Variants in LTBP1 observed in about 807,000 individuals in gnomAD.
LTBP1 encodes latent-transforming growth factor beta-binding protein 1.
Under a neutral mutation model 207.6 loss-of-function variants are expected in LTBP1, and 129 were observed. The observed-to-expected ratio is 0.62, with a 90% CI of 0.54 to 0.72. The LOEUF (loss-of-function observed/expected upper bound fraction) is 0.72, where lower values mean the gene tolerates loss of function less well. Ranked by LOEUF, LTBP1 falls within the 30% of genes least tolerant of loss-of-function variation. The pLI is 0.00. For missense variants in LTBP1, 2,281 were observed against 2,217.2 expected (o/e 1.03, Z -0.58); for synonymous variants, 963 against 833.7 (o/e 1.16, Z -2.67).
chr2:32,996,683 C>T (rs1685331151), intron 2 of LTBP1, among the ~76,000 whole-genome samples: 1 of 152,090 alleles, frequency 6.6e-6, no homozygotes, highest in South Asian at 2.1e-4. Context: ...GGAACTTGCA[C>T]AACAAACCCA....
intron 9 of LTBP1, among the ~76,000 whole-genome samples, chr2:33,237,561 A>C (rs191472152): frequency 6.6e-6 from 1 of 152,254 alleles, no homozygotes; most frequent in South Asian, 2.1e-4. Context: ...GTATGTGTGC[A>C]TTAAATAATT....
intron 4 of LTBP1, among the ~76,000 whole-genome samples, chr2:33,120,396 T>C (rs1036772125): frequency 1.3e-5 from 2 of 152,186 alleles, no homozygotes; most frequent in Admixed American, 6.5e-5. Context: ...TGTTCATAAG[T>C]TCTTATCATT....
intron 24 of LTBP1, among the ~76,000 whole-genome samples, chr2:33,339,017 T>C (rs991325089): frequency 2.6e-5 from 4 of 151,656 alleles, no homozygotes; most frequent in Non-Finnish European, 5.9e-5. Context: ...AGAGAGCACA[T>C]TGGCAGTTTT....
chr2:33,394,460 A>T (rs781401784), intron 32 of LTBP1, among the ~76,000 whole-genome samples: 2 of 152,144 alleles, frequency 1.3e-5, no homozygotes, highest in African/African-American at 4.8e-5. Flanking sequence ...TCCATCTTGA[A>T]TTAATTTTTG....
intron 2 of LTBP1, among the ~76,000 whole-genome samples, chr2:32,986,721 G>C (rs1317456739): frequency 6.6e-6 from 1 of 152,178 alleles, no homozygotes. Context: ...CTCTCAACAA[G>C]TCTCAGCCCT....
chr2:33,055,750 A>C (rs117620303), intron 3 of LTBP1, among the ~76,000 whole-genome samples: 10,530 of 152,246 alleles, frequency 0.069, 782 homozygotes, highest in East Asian at 0.35. Flanking sequence ...GTCTGCCTTC[A>C]TCTGCTTTAA....
chr2:33,282,079 A>G (rs1447660384), intron 19 of LTBP1, among the ~76,000 whole-genome samples: 1 of 149,426 alleles, frequency 6.7e-6, no homozygotes, highest in East Asian at 1.9e-4. Flanking sequence ...ATATATATAT[A>G]TATATATATA....
In LTBP1 at chr2:33,208,865, A is replaced by ATTTT. The variant is rs3053310; in HGVS notation, c.1702-8670_1702-8667dup. On this transcript the variant is annotated intron_variant, in intron 7 of 33. Coordinates refer to ENST00000404816, the MANE Select transcript of LTBP1 (RefSeq NM_206943.4). The stretch of plus-strand genomic sequence containing the variant: ...TAGTGTCTAGTCCAGTCTTGCTACT[A>ATTTT]TTTTTTTTTTTTTTTTTTTTGAGAT... Among the ~76,000 whole-genome samples the ATTTT allele has an allele frequency of 6.6e-3, 740 of 112,918 alleles. 24 individuals carry two copies. Among genetic ancestry groups the ATTTT allele is most frequent in the East Asian group, 0.016 (62 of 3,922 alleles). 74.1% of individuals were successfully genotyped at this position (112,918 alleles called of 152,430 possible).
chr2:33,122,071 A>G (rs1179011973), intron 4 of LTBP1, among the ~76,000 whole-genome samples: 1 of 146,314 alleles, frequency 6.8e-6, no homozygotes, highest in African/African-American at 2.5e-5. Flanking sequence ...TCCTGTGGGT[A>G]TAGTGGATTT....
chr2:33,324,277 C>T (rs1573839341), intron 24 of LTBP1, among the ~76,000 whole-genome samples: 1 of 126,442 alleles, frequency 7.9e-6, no homozygotes, highest in Non-Finnish European at 1.6e-5. Context: ...ATTGTTATAA[C>T]AATTGTTATA....
chr2:33,049,743 G>A (rs2076629022), intron 3 of LTBP1, among the ~76,000 whole-genome samples: 1 of 152,170 alleles, frequency 6.6e-6, no homozygotes, highest in African/African-American at 2.4e-5. Context: ...AGTGTTAACA[G>A]CAAAGCTAGA....
At chr2:33,255,352 G>C (rs2092820571) in intron 11 of LTBP1, among the ~76,000 whole-genome samples, 1 of 152,036 alleles carries the variant, frequency 6.6e-6, no homozygotes, top group African/African-American at 2.4e-5. Flanking sequence ...GAGAGGATGT[G>C]GAGAAATAGG....
At chr2:33,208,248 G>A (rs1328452391) in intron 7 of LTBP1, among the ~76,000 whole-genome samples, 1 of 152,206 alleles carries the variant, frequency 6.6e-6, no homozygotes, top group East Asian at 1.9e-4. Context: ...CCTGTACAGT[G>A]TAGGTTGATG....
intron 3 of LTBP1, among the ~76,000 whole-genome samples, chr2:33,110,006 C>T (rs563932783): frequency 6.6e-5 from 10 of 152,300 alleles, no homozygotes; most frequent in Admixed American, 5.2e-4. Context: ...AATTCCCTTC[C>T]TGTACTTTCT....
intron 2 of LTBP1, among the ~76,000 whole-genome samples, chr2:32,966,276 G>A (rs1485715285): frequency 6.6e-6 from 1 of 151,990 alleles, no homozygotes; most frequent in Admixed American, 6.6e-5. Flanking sequence ...CTTCCACTCT[G>A]TGTCTTTTCA....
chr2:33,128,193 G>A lies in LTBP1; in HGVS notation c.1034-6600G>A, dbSNP rs182461518. Among the ~76,000 whole-genome samples the A allele has an allele frequency of 3.3e-3, 502 of 152,260 alleles. 4 individuals carry two copies. The highest frequency in any genetic ancestry group is 0.011 in the African/African-American group (464 of 41,546). ...CATGCTTCTCCACATACAGATAGGT[G>A]TTATTTATAGAAATGGTCAAATGCC... On this transcript the variant is annotated intron_variant, in intron 4 of 33. Transcript: ENST00000404816.
intron 3 of LTBP1, among the ~76,000 whole-genome samples, chr2:33,067,163 C>A (rs1176877225): frequency 6.6e-6 from 1 of 152,114 alleles, no homozygotes; most frequent in African/African-American, 2.4e-5. Context: ...CAGAACGAGA[C>A]CCTGTCTGAG....
At chr2:33,077,914 G>A (rs1412954411) in intron 3 of LTBP1, among the ~76,000 whole-genome samples, 2 of 152,122 alleles carry the variant, frequency 1.3e-5, no homozygotes, top group Non-Finnish European at 1.5e-5. Context: ...TCGGCAGCTT[G>A]GGTATCAGTC....
rs1174691547 is a variant in LTBP1 at position 33,342,857 on chromosome 2, C to T, written c.3750C>T (p.Asn1250=). The T allele has an allele frequency of 6.2e-7, 1 of 1,614,020 alleles. No individual in the cohort carries two copies. Among genetic ancestry groups the T allele is most frequent in the South Asian group, 1.1e-5 (1 of 91,066 alleles). The change falls in exon 25 of 34, where the codon AAC becomes AAT. Residue 1250 remains asparagine, a synonymous_variant. Coordinates refer to ENST00000404816, the MANE Select transcript of LTBP1 (RefSeq NM_206943.4). Reference sequence around the variant, plus strand: ...TTGCAGATATTGATGAATGTGTAAACAACACTGTTTGTGACAGTCACGGGT... The same window carrying T: ...TTGCAGATATTGATGAATGTGTAAATAACACTGTTTGTGACAGTCACGGGT... ...RTCEDIDECV[N]NTVCDSHGFC...
Sources: allele counts gnomAD v4.1 joint callset (sites outside exome capture counted in the v4.1 genomes callset), GRCh38; gene constraint gnomAD v4.1.1; transcripts MANE v1.5; gene names NCBI Gene and HGNC (gene_info 2026-07-23, HGNC 2026-07-21).